WDPCP: variants seen among roughly 807,000 people sequenced by gnomAD.
The protein encoded by WDPCP is WD repeat-containing and planar cell polarity effector protein fritz homolog.
In WDPCP, 71 loss-of-function variants were observed where a neutral mutation model predicts 93.1. The ratio of observed to expected loss-of-function variants is 0.76; its 90% CI spans 0.63 to 0.93. WDPCP has a LOEUF of 0.93. Among genes scored for constraint, WDPCP ranks in the 40% least tolerant of loss-of-function variants. WDPCP has a pLI of 0.00. For missense variants in WDPCP, 844 were observed against 887.4 expected, an observed-to-expected ratio of 0.95 and a Z score of 0.62; for synonymous variants, 315 against 315.0, an observed-to-expected ratio of 1.00 and a Z score of 0.00.
At chr2:63,131,606 T>C (rs569384145) in intron 17 of WDPCP, among the ~76,000 whole-genome samples, 1 of 152,290 alleles carries the variant, frequency 6.6e-6, no homozygotes, top group South Asian at 2.1e-4. Context: ...TGCACCAGAA[T>C]TACAATAACA....
rs1289255295 is a variant in WDPCP at position 63,492,748 on chromosome 2, A to G, written c.160+108T>C. On this transcript the variant is annotated intron_variant, in intron 2 of 17. Transcript: ENST00000272321. ...ACCAATTTTTCATTAAGAATAAAGA[A>G]AGAATGCAACTCCAGCTGGAGAATT... 8 of 984,652 alleles carry G rather than the reference A, an allele frequency of 8.1e-6. No individual in the cohort carries two copies. In the African/African-American group the frequency reaches 1.3e-4, roughly 16 times the overall value. 61.0% of individuals were successfully genotyped at this position (984,652 alleles called of 1,614,324 possible).
At chr2:63,827,242 C>G (rs544718279) in intron 1 of WDPCP, among the ~76,000 whole-genome samples, 7 of 152,092 alleles carry the variant, frequency 4.6e-5, no homozygotes, top group South Asian at 4.1e-4. Flanking sequence ...CTCCTTCTGA[C>G]CCTGTGTCAT....
chr2:63,273,269 A>T (rs1236094551), intron 13 of WDPCP, among the ~76,000 whole-genome samples: 1 of 152,208 alleles, frequency 6.6e-6, no homozygotes, highest in Non-Finnish European at 1.5e-5. Context: ...TGGAAGCAAA[A>T]GGATGATATC....
In WDPCP at chr2:63,269,691, T is replaced by C. The variant is rs188665547; in HGVS notation, c.1813-10282A>G. ...GAAATGTTCCTAGGATTGATAGGTT[T>C]CTATGAGATATGGAAGCACTAACAA... is the stretch of plus-strand genomic sequence containing the variant. On this transcript the variant is annotated intron_variant, in intron 13 of 17. Coordinates refer to ENST00000272321, the MANE Select transcript of WDPCP (RefSeq NM_015910.7). Among the ~76,000 whole-genome samples the C allele has an allele frequency of 5.9e-4, 90 of 152,342 alleles. 1 individual carries two copies. Among genetic ancestry groups the C allele is most frequent in the African/African-American group, 2.1e-3 (89 of 41,592 alleles).
chr2:63,471,345 G>A (rs778199862), intron 6 of WDPCP, among the ~76,000 whole-genome samples: 1 of 152,240 alleles, frequency 6.6e-6, no homozygotes, highest in Non-Finnish European at 1.5e-5. Flanking sequence ...AGCAGAAGCG[G>A]AGAAGTTATA....
Position 63,462,339 on chromosome 2 carries a change from G to A in WDPCP, c.384+22265C>T, listed in dbSNP as rs559160165. The stretch of plus-strand genomic sequence containing the variant: ...CACAGGGTGGGGAACATCACACACC[G>A]GGGCCTGTCATGGGGTCGAGGAGAG... On this transcript the variant is annotated intron_variant, in intron 6 of 17. Transcript: ENST00000272321. 4.3e-4 allele frequency among the ~76,000 whole-genome samples: 66 copies of A among 152,192 alleles called. 1 individual carries two copies. Among genetic ancestry groups the A allele is most frequent in the Admixed American group, 1.7e-3 (26 of 15,272 alleles).
intron 1 of WDPCP, among the ~76,000 whole-genome samples, chr2:63,586,964 T>C (rs1231369510): frequency 6.6e-6 from 1 of 152,256 alleles, no homozygotes; most frequent in Non-Finnish European, 1.5e-5. Flanking sequence ...GCCATGTTGG[T>C]GTACTGCACC....
chr2:63,432,147 G>T (rs1380028147), intron 9 of WDPCP, among the ~76,000 whole-genome samples: 1 of 152,016 alleles, frequency 6.6e-6, no homozygotes. Context: ...AGGAGAAAAG[G>T]AAAAAGCTAG....
intron 14 of WDPCP, among the ~76,000 whole-genome samples, chr2:63,220,848 C>T (rs1677760013): frequency 6.6e-6 from 1 of 152,096 alleles, no homozygotes; most frequent in Non-Finnish European, 1.5e-5. Context: ...TATCCTGATG[C>T]TCTCCCTCCC....
At chr2:63,239,718 ATTC>A (rs1456681389) in intron 14 of WDPCP, among the ~76,000 whole-genome samples, 1 of 152,076 alleles carries the variant, frequency 6.6e-6, no homozygotes, top group African/African-American at 2.4e-5. Flanking sequence ...TTATTTAGAA[ATTC>A]TTGTTTCTAT....
At chr2:63,522,455 G>GACAGACAGAC (rs578104206) in intron 1 of WDPCP, among the ~76,000 whole-genome samples, 11 of 127,218 alleles carry the variant, frequency 8.6e-5, no homozygotes, top group African/African-American at 3.3e-4. Flanking sequence ...CAGACAGACA[G>GACAGACAGAC]ACACACACAC....
intron 15 of WDPCP, among the ~76,000 whole-genome samples, chr2:63,158,759 A>G (rs936635969): frequency 1.3e-5 from 2 of 151,942 alleles, no homozygotes; most frequent in Non-Finnish European, 1.5e-5. Flanking sequence ...TTCATTGGAT[A>G]CTTTCAATTG....
chr2:63,324,533 A>T (rs192547829), intron 12 of WDPCP, among the ~76,000 whole-genome samples: 25 of 152,342 alleles, frequency 1.6e-4, no homozygotes, highest in Non-Finnish European at 2.9e-4. Context: ...GATGATCCTG[A>T]TAGGTACATA....
At chr2:63,356,386 C>T (rs1690023187) in intron 12 of WDPCP, among the ~76,000 whole-genome samples, 1 of 152,166 alleles carries the variant, frequency 6.6e-6, no homozygotes, top group South Asian at 2.1e-4. Flanking sequence ...AGAAAATTAA[C>T]AAAGATATTC....
At chr2:63,169,980 G>A (rs1211951401) in intron 15 of WDPCP, among the ~76,000 whole-genome samples, 1 of 150,116 alleles carries the variant, frequency 6.7e-6, no homozygotes, top group African/African-American at 2.5e-5. Context: ...AAGCCTTAAT[G>A]TTTAGGGCCC....
At chr2:63,139,890 G>A (rs1478548835) in intron 17 of WDPCP, among the ~76,000 whole-genome samples, 3 of 152,108 alleles carry the variant, frequency 2.0e-5, no homozygotes, top group African/African-American at 4.8e-5. Flanking sequence ...CTTTGCCTAC[G>A]CCAATGTCTA....
At chr2:63,153,020 TA>T in intron 16 of WDPCP, 75 bp from the exon 17 acceptor site, 1 of 1,227,592 alleles carries the variant, frequency 8.1e-7, no homozygotes, top group East Asian at 2.4e-5. Context: ...TTTACAACAC[TA>T]AAAACAGAAA....
At chr2:63,525,991 C>T (rs1703311355) in intron 1 of WDPCP, among the ~76,000 whole-genome samples, 1 of 152,074 alleles carries the variant, frequency 6.6e-6, no homozygotes, top group African/African-American at 2.4e-5. Flanking sequence ...AAGTGGCTTA[C>T]CTTATGTATG....
intron 2 of WDPCP, among the ~76,000 whole-genome samples, chr2:63,725,388 A>G (rs1338164202): frequency 6.6e-6 from 1 of 152,124 alleles, no homozygotes; most frequent in African/African-American, 2.4e-5. Context: ...ATTCTTTTTT[A>G]TGGCTGTATA....
Sources: gnomAD v4.1 joint callset for allele counts (sites outside exome capture counted in the v4.1 genomes callset) on GRCh38, gnomAD v4.1.1 for gene constraint, MANE v1.5 for transcripts, NCBI Gene and HGNC (gene_info 2026-07-23, HGNC 2026-07-21) for gene names.